SNED1: variants seen among roughly 807,000 people sequenced by gnomAD.
SNED1 encodes sushi, nidogen and EGF like domains 1.
A neutral mutation model predicts 166.7 loss-of-function variants in SNED1; 81 were observed. That is an observed-to-expected ratio of 0.49 (90% confidence interval 0.41 to 0.58). SNED1 has a LOEUF of 0.58. Among genes scored for constraint, SNED1 ranks in the 20% least tolerant of loss-of-function variants. The probability of loss-of-function intolerance (pLI) is 0.00; values close to 1 mark genes in which losing one functional copy is unlikely to be tolerated. For synonymous variants in SNED1, 762 were observed against 822.0 expected (o/e 0.93, Z 1.25); for missense variants, 1,604 against 2,000.2 (o/e 0.80, Z 3.78).
rs1296013459 is a variant in SNED1, at chr2:241,062,807, G to C, written c.2274G>C (p.Arg758=). The change falls in exon 17 of 32, where the codon CGG becomes CGC. Residue 758 remains arginine (R), a synonymous_variant. Coordinates refer to ENST00000310397, the MANE Select transcript of SNED1 (RefSeq NM_001080437.3). ...PPQCLEIDEC[R]SQPCLHGGSC... Reference sequence around the variant, plus strand: ...TCCTCTCAGAAATCGATGAGTGCCGGTCTCAGCCGTGCCTGCATGGGGGCT... The same window carrying C: ...TCCTCTCAGAAATCGATGAGTGCCGCTCTCAGCCGTGCCTGCATGGGGGCT... The C allele has an allele frequency of 6.2e-7, 1 of 1,610,338 alleles. No homozygotes were observed. Among genetic ancestry groups the C allele is most frequent in the Admixed American group, 1.7e-5 (1 of 59,582 alleles).
chr2:241,051,940 C>T lies in SNED1; in HGVS notation c.1852+80C>T, dbSNP rs968871455. ...GGGGCCCCTGATGCACCCTCCCTGC[C>T]AGCTGTGGGTCTGCTTCTCATGAAG... On this transcript the variant is annotated intron_variant, in intron 13 of 31. Transcript: ENST00000310397. The surrounding 1 kb of genome is among the most constrained non-coding windows in gnomAD (Gnocchi z 4.7). 77 of 1,467,628 alleles carry T rather than the reference C, an allele frequency of 5.2e-5. No individual in the cohort carries two copies. Among genetic ancestry groups the T allele is most frequent in the Non-Finnish European group, 6.9e-5 (74 of 1,072,606 alleles). The allele number at this position is 1,467,628 out of a possible 1,614,324, so 90.9% of individuals were successfully genotyped here. A position where few individuals can be genotyped will look rare whatever the true frequency, so the allele number is the denominator to read the frequency against.
chr2:241,050,824 C>T (rs987843363), intron 12 of SNED1, among the ~76,000 whole-genome samples: 1 of 146,982 alleles, frequency 6.8e-6, no homozygotes, highest in Admixed American at 6.8e-5. Flanking sequence ...GTCCACTGTA[C>T]CCAAGGTGGG....
chr2:241,026,008 C>CTTTT (rs2060953420), intron 1 of SNED1, among the ~76,000 whole-genome samples: 1 of 80,498 alleles, frequency 1.2e-5, no homozygotes, highest in Non-Finnish European at 2.4e-5. Context: ...TTTTTCTTTT[C>CTTTT]CTTTTTTTTT....
At position 241,064,211 on chromosome 2, in the gene SNED1, TGCTCCCCGCCCTCTGCCC is replaced by T; in HGVS notation, c.2599+89_2599+106del. ...GCCTGCTGCCCGCCCTCTGCCCGCC[TGCTCCCCGCCCTCTGCCC>T]GCCTGCTCCCCGCCCTCTGCCCGCC... is the stretch of plus-strand genomic sequence containing the variant. On this transcript the variant is annotated intron_variant, in intron 19 of 31. Transcript: ENST00000310397. The surrounding 1 kb of genome is among the most constrained non-coding windows in gnomAD (Gnocchi z 7.0). 1 of 899,636 alleles carries T rather than the reference TGCTCCCCGCCCTCTGCCC, an allele frequency of 1.1e-6. No individual in the cohort carries two copies. Among genetic ancestry groups the T allele is most frequent in the Non-Finnish European group, 1.6e-6 (1 of 623,550 alleles). 55.7% of individuals were successfully genotyped at this position (899,636 alleles called of 1,614,324 possible).
In SNED1 at chr2:241,094,472, C is replaced by A; in HGVS notation, c.*2836C>A. 1 of 464,860 alleles carries A rather than the reference C, an allele frequency of 2.2e-6. No individual in the cohort carries two copies. 28.8% of individuals were successfully genotyped at this position (464,860 alleles called of 1,614,324 possible). A position where few individuals can be genotyped will look rare whatever the true frequency, so the allele number is the denominator to read the frequency against. On this transcript the variant is annotated 3_prime_UTR_variant, in exon 32 of 32. Coordinates refer to ENST00000310397, the MANE Select transcript of SNED1 (RefSeq NM_001080437.3). The surrounding 1 kb of genome is among the most constrained non-coding windows in gnomAD (Gnocchi z 4.3). Reference sequence around the variant, plus strand: ...AGCACCTAGATTTCAGTGCTGAATCCCCACAATTGCATGCAGCTCACACCT... The same window carrying A: ...AGCACCTAGATTTCAGTGCTGAATCACCACAATTGCATGCAGCTCACACCT...
chr2:241,007,748 A>G (rs1189013893), intron 1 of SNED1, among the ~76,000 whole-genome samples: 2 of 152,158 alleles, frequency 1.3e-5, no homozygotes, highest in South Asian at 2.1e-4. Flanking sequence ...GCATTTACCC[A>G]TGCCCTAACT....
At chr2:241,021,962 AG>A (rs36072616) in intron 1 of SNED1, among the ~76,000 whole-genome samples, 52,819 of 152,096 alleles carry the variant, frequency 0.35, 9,355 homozygotes, top group Middle Eastern at 0.44. Flanking sequence ...CCATCCTGCC[AG>A]GTGAAAAGTG....
At chr2:241,040,472 C>A in intron 8 of SNED1, 59 bp downstream of exon 8, 2 of 1,053,072 alleles carry the variant, frequency 1.9e-6, no homozygotes, top group Non-Finnish European at 2.8e-6. Context: ...GCCGTGAACA[C>A]CCCCATAGCC....
At chr2:241,025,651 C>A (rs937380481) in intron 1 of SNED1, among the ~76,000 whole-genome samples, 1 of 152,142 alleles carries the variant, frequency 6.6e-6, no homozygotes, top group South Asian at 2.1e-4. Context: ...CTGTTAGCAT[C>A]TCTTTTAGTG....
intron 30 of SNED1, chr2:241,087,862 T>C (rs1334688136): frequency 2.1e-6 from 1 of 466,016 alleles, no homozygotes; most frequent in African/African-American, 2.0e-5. Context: ...GGGTTCAAGG[T>C]AGTTACAAGA....
rs184410632 is a variant in SNED1, at chr2:241,012,405, G to C, written c.213+13355G>C. ...GCAGACGCTGCCACCGCCCCACCCTGCATCGCCACCCCAGGGCAGCCCCTC... is the reference window on the plus strand; with the variant it reads ...GCAGACGCTGCCACCGCCCCACCCTCCATCGCCACCCCAGGGCAGCCCCTC... On this transcript the variant is annotated intron_variant, in intron 1 of 31. Transcript: ENST00000310397. 4.2e-4 allele frequency among the ~76,000 whole-genome samples: 64 copies of C among 152,338 alleles called. No homozygotes were observed. The East Asian group carries it at 0.012, about 28-fold the overall frequency.
At position 240,999,059 on chromosome 2, in the gene SNED1, C is replaced by A. The variant is rs747795376; in HGVS notation, c.213+9C>A. 4.7e-6 allele frequency: 6 copies of A among 1,278,218 alleles called. No homozygotes were observed. Among genetic ancestry groups the A allele is most frequent in the Non-Finnish European group, 6.0e-6 (6 of 1,007,990 alleles). 79.2% of individuals were successfully genotyped at this position (1,278,218 alleles called of 1,614,324 possible). ...AGCACTCCGGACTCTACGTGAGTAACCCCCGGGCTCGCGGGGCGCCCGGGA... is the reference window on the plus strand; with the variant it reads ...AGCACTCCGGACTCTACGTGAGTAAACCCCGGGCTCGCGGGGCGCCCGGGA... On this transcript the variant is annotated intron_variant, in intron 1 of 31. Coordinates refer to ENST00000310397, the MANE Select transcript of SNED1 (RefSeq NM_001080437.3). The surrounding 1 kb of genome is among the most constrained non-coding windows in gnomAD (Gnocchi z 5.8).
chr2:241,061,757 C>T (rs192993912), intron 16 of SNED1, among the ~76,000 whole-genome samples: 13 of 151,296 alleles, frequency 8.6e-5, no homozygotes, highest in Admixed American at 2.0e-4. Context: ...TGGTGGTGGG[C>T]GCCTTTAGTC....
chr2:241,066,617 A>G (rs2062460624), intron 21 of SNED1, among the ~76,000 whole-genome samples: 2 of 112,822 alleles, frequency 1.8e-5, no homozygotes, highest in Non-Finnish European at 4.3e-5. Flanking sequence ...ACTGCTGCGA[A>G]GTGGCGTGAT....
chr2:241,033,642 G>T, intron 2 of SNED1, 93 bp from the exon 3 acceptor site: 1 of 1,392,838 alleles, frequency 7.2e-7, no homozygotes, highest in East Asian at 2.6e-5. Flanking sequence ...GGGGCCCAGT[G>T]GACAATGACA....
intron 16 of SNED1, among the ~76,000 whole-genome samples, chr2:241,053,852 G>A (rs984210603): frequency 1.3e-5 from 2 of 152,206 alleles, no homozygotes; most frequent in Non-Finnish European, 2.9e-5. Context: ...GAAGCCCCTG[G>A]AGAAGTAGGG....
At chr2:241,072,099 G>C in intron 26 of SNED1, 1 of 700,134 alleles carries the variant, frequency 1.4e-6, no homozygotes, top group East Asian at 2.7e-5. Flanking sequence ...CCTCACGTCA[G>C]TGTGTGGGCT....
At chr2:241,015,282 A>G (rs1003806891) in intron 1 of SNED1, among the ~76,000 whole-genome samples, 7 of 152,152 alleles carry the variant, frequency 4.6e-5, no homozygotes, top group Admixed American at 3.3e-4. Context: ...TGACTTTAAC[A>G]TTTTCAGTAA....
rs780070010 is a variant in SNED1, at chr2:241,049,853, A to G, written c.1655A>G (p.Asn552Ser). Residue 552 changes from asparagine to serine, a missense_variant, in exon 12 of 32, where the codon AAC becomes AGC. Around this residue, in one of 2 missense-constraint regions of SNED1, gnomAD observed 1,237 missense variants for 1,620.8 expected, o/e 0.76. Transcript: ENST00000310397. ...PSPCDSDPCF[N>S]GGSCDAHDDS... Reference sequence around the variant, plus strand: ...CCCTGCGACTCGGACCCCTGCTTCAACGGAGGCTCCTGCGATGCCCATGAC... The same window carrying G: ...CCCTGCGACTCGGACCCCTGCTTCAGCGGAGGCTCCTGCGATGCCCATGAC... The G allele has an allele frequency of 1.9e-6, 3 of 1,613,836 alleles. No individual in the cohort carries two copies. The highest frequency in any genetic ancestry group is 1.1e-5 in the South Asian group (1 of 91,086).
Sources: gnomAD v4.1 joint callset for allele counts (sites outside exome capture counted in the v4.1 genomes callset) on GRCh38, gnomAD v4.1.1 for gene constraint, gnomAD v4.1.1 regional missense constraint, Gnocchi (gnomAD v3.1) non-coding constraint, MANE v1.5 for transcripts, NCBI Gene and HGNC (gene_info 2026-07-23, HGNC 2026-07-21) for gene names.